The following SV2A variants were observed in gnomAD, a reference collection of about 807,000 sequenced individuals.
SV2A encodes the protein solute carrier family 22 member B1.
SV2A carries 25 observed loss-of-function variants against 78.0 expected under a neutral mutation model. The observed-to-expected ratio is 0.32, with a 90% CI of 0.23 to 0.45. SV2A has a LOEUF of 0.45. Ranked by LOEUF, SV2A falls within the 20% of genes least tolerant of loss-of-function variation. The pLI is 1.00. For synonymous variants in SV2A, 355 were observed against 384.7 expected, an observed-to-expected ratio of 0.92 and a Z score of 0.90; for missense variants, 752 against 971.5, an observed-to-expected ratio of 0.77 and a Z score of 3.00.
At chr1:149,906,969 A>C in intron 10 of SV2A, 113 bp from the exon 11 acceptor site, 1 of 1,519,470 alleles carries the variant, frequency 6.6e-7, no homozygotes, top group Non-Finnish European at 8.8e-7. Flanking sequence ...GGGGCTCTCA[A>C]AATTATTCAC....
intron 11 of SV2A, 73 bp from the exon 12 acceptor site, chr1:149,906,112 T>G: frequency 2.6e-6 from 4 of 1,538,282 alleles, no homozygotes; most frequent in Non-Finnish European, 3.5e-6. Flanking sequence ...CCCTGTCCCA[T>G]CAGCTGGCTT....
Position 149,910,533 on chromosome 1 carries a change from GCACCC to G in SV2A, c.1089+32_1089+36del. On this transcript the variant is annotated intron_variant, in intron 5 of 12. Coordinates refer to ENST00000369146, the MANE Select transcript of SV2A (RefSeq NM_014849.5). The surrounding 1 kb of genome is among the most constrained non-coding windows in gnomAD (Gnocchi z 4.2). ...TGCTGCCGTCCACACTCCACAGCCCGCACCCCACCCCACCCCATGCAGCTCAGCCC... is the reference window on the plus strand; with the variant it reads ...TGCTGCCGTCCACACTCCACAGCCCGCACCCCACCCCATGCAGCTCAGCCC... 1.3e-6 allele frequency: 2 copies of G among 1,560,370 alleles called. No homozygotes were observed. Among genetic ancestry groups the G allele is most frequent in the South Asian group, 2.4e-5 (2 of 83,304 alleles).
intron 10 of SV2A, 86 bp downstream of exon 10, chr1:149,907,614 C>T (rs2092446929): frequency 6.5e-7 from 1 of 1,535,502 alleles, no homozygotes; most frequent in African/African-American, 1.4e-5. Context: ...AGCTTGAGAA[C>T]CCTAAGATAG....
intron 8 of SV2A, among the ~76,000 whole-genome samples, chr1:149,908,699 G>C (rs1283716024): frequency 6.6e-6 from 1 of 151,912 alleles, no homozygotes. Context: ...GTGCAGTGGC[G>C]CGATCTCGAC....
intron 1 of SV2A, among the ~76,000 whole-genome samples, chr1:149,916,847 T>C (rs1175278667): frequency 6.6e-6 from 1 of 151,990 alleles, no homozygotes; most frequent in Non-Finnish European, 1.5e-5. Flanking sequence ...CCCCACATCC[T>C]ACCAAGGTTA....
At chr1:149,915,389 A>C (rs2092506453) in intron 1 of SV2A, among the ~76,000 whole-genome samples, 1 of 152,080 alleles carries the variant, frequency 6.6e-6, no homozygotes, top group African/African-American at 2.4e-5. Context: ...CACATTAACT[A>C]CCTCCAGAAG....
intron 2 of SV2A, 72 bp from the exon 3 acceptor site, chr1:149,912,052 T>G: frequency 6.8e-7 from 1 of 1,468,448 alleles, no homozygotes; most frequent in Non-Finnish European, 9.2e-7. Context: ...AGATGAGCAC[T>G]GAGGGAGCTG....
chr1:149,904,775 G>T lies in SV2A; in HGVS notation c.*239C>A. ...TCAGCCTTCTCTTGTGCAAAGTCAA[G>T]GGCAGTGGGAAATGGGGAGTACAGC... On this transcript the variant is annotated 3_prime_UTR_variant, in exon 13 of 13. Transcript: ENST00000369146. 1 of 473,178 alleles carries T rather than the reference G, an allele frequency of 2.1e-6. No individual in the cohort carries two copies. 29.3% of individuals were successfully genotyped at this position (473,178 alleles called of 1,614,324 possible).
chr1:149,905,442 C>A, intron 12 of SV2A: 1 of 419,488 alleles, frequency 2.4e-6, no homozygotes, highest in Non-Finnish European at 4.2e-6. Flanking sequence ...CAAAAGCTAC[C>A]AGATTTTTTT....
intron 1 of SV2A, among the ~76,000 whole-genome samples, chr1:149,917,467 T>G (rs145105692): frequency 5.9e-5 from 9 of 152,256 alleles, no homozygotes; most frequent in Non-Finnish European, 1.0e-4. Context: ...AAGGGGATAG[T>G]GGGGACTTGG....
At chr1:149,917,629 G>C (rs587758327) in intron 1 of SV2A, 110 bp downstream of exon 1, 21 of 152,288 alleles carry the variant, frequency 1.4e-4, no homozygotes, top group African/African-American at 4.8e-4. Flanking sequence ...AGAGGGGATC[G>C]TCACCCTCCC....
In SV2A at chr1:149,905,151, C is replaced by T; in HGVS notation, c.2092G>A (p.Val698Met). 6.2e-7 allele frequency: 1 copy of T among 1,611,778 alleles called. No individual in the cohort carries two copies. The highest frequency in any genetic ancestry group is 8.5e-7 in the Non-Finnish European group (1 of 1,179,032). Residue 698 changes from valine (V) to methionine (M), a missense_variant, in exon 13 of 13, where the codon GTG (valine) becomes ATG (methionine). Val to Met is a conservative substitution (Grantham distance 21). Around this residue, in one of 7 missense-constraint regions of SV2A, gnomAD observed 186 missense variants for 274.6 expected, o/e 0.68. Transcript: ENST00000369146. Reference sequence around the variant, plus strand: ...GATGTGAAGATGCTGATCCCCAGCACAGCTGCCAGCTTACACAGGGCATTC... The same window carrying T: ...GATGTGAAGATGCTGATCCCCAGCATAGCTGCCAGCTTACACAGGGCATTC... ...FLNALCKLAA[V>M]LGISIFTSFV...
Position 149,904,970 on chromosome 1 carries a change from G to C in SV2A, c.*44C>G, listed in dbSNP as rs1553762453. 1 of 1,552,138 alleles carries C rather than the reference G, an allele frequency of 6.4e-7. No homozygotes were observed. ...CAGGGAGGGGAAGGAAGGAGTTGTT[G>C]GTCTCACAGTGTGCCTGCCAATCCC... is the stretch of plus-strand genomic sequence containing the variant. On this transcript the variant is annotated 3_prime_UTR_variant, in exon 13 of 13. Transcript: ENST00000369146.
In SV2A at chr1:149,913,264, C is replaced by T; in HGVS notation, c.577G>A (p.Ala193Thr). The change falls in exon 2 of 13, where the codon GCT becomes ACT. Residue 193 changes from alanine to threonine, a missense_variant. Physicochemically the swap from Ala to Thr is moderately conservative, Grantham distance 58 (BLOSUM62 0). Coordinates refer to ENST00000369146, the MANE Select transcript of SV2A (RefSeq NM_014849.5). ...VFVVGFVLPSAEKDMCLSDSN... is the reference protein window; with the variant it reads ...VFVVGFVLPSTEKDMCLSDSN... ...TCGGACAGGCACATGTCTTTCTCAG[C>T]GCTGGGCAGCACGAAGCCCACCACA... 8 of 1,614,142 alleles carry T rather than the reference C, an allele frequency of 5.0e-6. No individual in the cohort carries two copies. The highest frequency in any genetic ancestry group is 2.2e-5 in the East Asian group (1 of 44,878).
intron 6 of SV2A, 93 bp from the exon 7 acceptor site, chr1:149,909,664 G>T: frequency 7.0e-7 from 1 of 1,431,216 alleles, no homozygotes; most frequent in Non-Finnish European, 9.8e-7. Flanking sequence ...CAAAATGGGA[G>T]GCAGGAGGTG....
chr1:149,911,166 G>A (rs1553763718), intron 3 of SV2A, among the ~76,000 whole-genome samples, 189 bp from the exon 4 acceptor site: 1 of 152,198 alleles, frequency 6.6e-6, no homozygotes, highest in African/African-American at 2.4e-5. Flanking sequence ...TGGGAAACAG[G>A]CAAGCGAGTC....
Position 149,907,763 on chromosome 1 carries a change from C to T in SV2A, c.1615G>A (p.Val539Ile), listed in dbSNP as rs2101615415. ...SLFEECYFED[V>I]TSSNTFFRNC... ...CGGAAAAACGTGTTGCTGGATGTGACATCCTCAAAATAACACTCTTCAAAC... is the reference window on the plus strand; with the variant it reads ...CGGAAAAACGTGTTGCTGGATGTGATATCCTCAAAATAACACTCTTCAAAC... The change falls in exon 10 of 13, where the codon GTC becomes ATC. Residue 539 changes from valine to isoleucine, a missense_variant. By Grantham distance (29) the Val-to-Ile change is conservative. Transcript: ENST00000369146. The T allele has an allele frequency of 6.2e-7, 1 of 1,614,172 alleles. No homozygotes were observed. Among genetic ancestry groups the T allele is most frequent in the African/African-American group, 1.3e-5 (1 of 75,032 alleles).
rs2092424421 is a variant in SV2A, at chr1:149,904,763, G to A, written c.*251C>T. 1 of 430,364 alleles carries A rather than the reference G, an allele frequency of 2.3e-6. No homozygotes were observed. Among genetic ancestry groups the A allele is most frequent in the Non-Finnish European group, 4.2e-6 (1 of 240,608 alleles). 26.7% of individuals were successfully genotyped at this position (430,364 alleles called of 1,614,324 possible). On this transcript the variant is annotated 3_prime_UTR_variant, in exon 13 of 13. Transcript: ENST00000369146. ...GAAGGATGGGGCTCAGCCTTCTCTT[G>A]TGCAAAGTCAAGGGCAGTGGGAAAT...
Position 149,909,472 on chromosome 1 carries a change from G to T in SV2A, c.1279C>A (p.Leu427Ile). 6.2e-7 allele frequency: 1 copy of T among 1,613,138 alleles called. No homozygotes were observed. Among genetic ancestry groups the T allele is most frequent in the Non-Finnish European group, 8.5e-7 (1 of 1,179,626 alleles). ...YQRWGVRALS[L>I]GGQVWGNFLS... The stretch of plus-strand genomic sequence containing the variant: ...CCGTCCACCATTACCTGCCCCCCTA[G>T]GCTCAAGGCCCGGACCCCCCAGCGC... The change falls in exon 7 of 13, where the codon CTA becomes ATA. Residue 427 changes from leucine (L) to isoleucine (I), a missense_variant. By Grantham distance (5) the Leu-to-Ile change is conservative. Coordinates refer to ENST00000369146, the MANE Select transcript of SV2A (RefSeq NM_014849.5).
Sources: allele counts gnomAD v4.1 joint callset (sites outside exome capture counted in the v4.1 genomes callset), GRCh38; gene constraint gnomAD v4.1.1; regional missense constraint gnomAD v4.1.1; non-coding constraint Gnocchi (gnomAD v3.1); transcripts MANE v1.5; gene names NCBI Gene and HGNC (gene_info 2026-07-23, HGNC 2026-07-21).